Variants in PSPC1 observed in about 807,000 individuals in gnomAD.
PSPC1 encodes the protein paraspeckle component 1, also known as paraspeckle protein 1.
A neutral mutation model predicts 51.6 loss-of-function variants in PSPC1; 14 were observed. The ratio of observed to expected loss-of-function variants is 0.27; its 90% CI spans 0.18 to 0.42. The LOEUF (loss-of-function observed/expected upper bound fraction) is 0.42, where lower values mean the gene tolerates loss of function less well. PSPC1 is among the 10% of genes least tolerant of loss of function. The pLI is 1.00. For missense variants in PSPC1, 406 were observed against 701.1 expected (o/e 0.58, Z 4.75); for synonymous variants, 193 against 231.9 (o/e 0.83, Z 1.53).
At chr13:19,671,396 GAGACAGGCAC>G, downstream of PSPC1, 1 of 933,298 alleles carries the variant, frequency 1.1e-6, no homozygotes, top group South Asian at 1.4e-5. Flanking sequence ...ACCTGTCCTA[GAGACAGGCAC>G]TCCCTGGGGT....
intron 6 of PSPC1, among the ~76,000 whole-genome samples, chr13:19,686,891 A>C (rs1045068728): frequency 6.6e-6 from 1 of 152,150 alleles, no homozygotes; most frequent in Non-Finnish European, 1.5e-5. Flanking sequence ...GCCACTGACC[A>C]AGTATGAATA....
intron 1 of PSPC1, among the ~76,000 whole-genome samples, chr13:19,774,802 G>A (rs1888932076): frequency 7.7e-6 from 1 of 129,618 alleles, no homozygotes; most frequent in South Asian, 2.4e-4. Context: ...CAGACTCTGT[G>A]TCCAAAAAAA....
In PSPC1 at chr13:19,718,374, G is replaced by A. The variant is rs528243838; in HGVS notation, c.1159-8775C>T. ...GATTGTTAAAATGAAACTTTACATC[G>A]TATGCCATTGATAGAATTGCAAATT... On this transcript the variant is annotated intron_variant, in intron 6 of 8. Transcript: ENST00000338910. Among the ~76,000 whole-genome samples, 8 of 152,126 alleles carry A rather than the reference G, an allele frequency of 5.3e-5. 1 individual carries two copies. The South Asian group carries it at 1.7e-3, about 32-fold the overall frequency.
chr13:19,767,966 C>T (rs1203497985), intron 2 of PSPC1, among the ~76,000 whole-genome samples: 1 of 152,074 alleles, frequency 6.6e-6, no homozygotes, highest in Admixed American at 6.5e-5. Flanking sequence ...ACCTGTAATT[C>T]CAGCACTTTG....
chr13:19,769,789 C>A (rs1888447980), intron 2 of PSPC1, among the ~76,000 whole-genome samples: 1 of 151,880 alleles, frequency 6.6e-6, no homozygotes, highest in South Asian at 2.1e-4. Flanking sequence ...AATAAAAACA[C>A]CAAGTGTGGG....
downstream of PSPC1, chr13:19,672,057 A>G (rs1157463689): frequency 6.4e-6 from 4 of 622,894 alleles, no homozygotes; most frequent in African/African-American, 7.3e-5. Context: ...AGTATGCCGG[A>G]ATCTCAGTGC....
At chr13:19,672,091 T>C, downstream of PSPC1, 2 of 560,166 alleles carry the variant, frequency 3.6e-6, no homozygotes. Flanking sequence ...CGTATTTCAG[T>C]TTTTCCACAA....
intron 3 of PSPC1, among the ~76,000 whole-genome samples, chr13:19,751,829 G>A (rs1423647027): frequency 6.6e-6 from 1 of 152,070 alleles, no homozygotes; most frequent in South Asian, 2.1e-4. Flanking sequence ...AGGCCGAGGC[G>A]GGCAGATCAC....
At chr13:19,694,151 CCAT>C (rs1181212622) in intron 6 of PSPC1, among the ~76,000 whole-genome samples, 5 of 13,608 alleles carry the variant, frequency 3.7e-4, no homozygotes, top group East Asian at 5.4e-3. Context: ...AAAAAAAAAA[CCAT>C]ATATATATAT....
At chr13:19,714,557 G>A (rs1441404386) in intron 6 of PSPC1, among the ~76,000 whole-genome samples, 3 of 149,272 alleles carry the variant, frequency 2.0e-5, no homozygotes, top group Admixed American at 6.7e-5. Flanking sequence ...GTGCAATGGC[G>A]TGATCTCAAC....
At chr13:19,780,008 G>A (rs1462999519) in intron 1 of PSPC1, among the ~76,000 whole-genome samples, 244 of 87,952 alleles carry the variant, frequency 2.8e-3, no homozygotes, top group East Asian at 4.0e-3. Flanking sequence ...GGAGGGAGGT[G>A]GGGGGGGTCA....
At chr13:19,763,463 T>C (rs1410719839) in intron 2 of PSPC1, among the ~76,000 whole-genome samples, 1 of 152,192 alleles carries the variant, frequency 6.6e-6, no homozygotes, top group Admixed American at 6.5e-5. Context: ...ACCAAGTCAA[T>C]CATTAGTTTG....
intron 1 of PSPC1, 99 bp from the exon 2 acceptor site, chr13:19,772,642 G>T: frequency 9.3e-7 from 1 of 1,075,428 alleles, no homozygotes. Context: ...TTTAGCAAAT[G>T]GCTGACAGGG....
chr13:19,762,626 G>A (rs761484286), intron 2 of PSPC1, among the ~76,000 whole-genome samples: 2 of 152,132 alleles, frequency 1.3e-5, no homozygotes, highest in Non-Finnish European at 2.9e-5. Context: ...AGGAACATGG[G>A]TACGTATTGT....
chr13:19,701,589 C>T (rs1439011127), downstream of PSPC1, among the ~76,000 whole-genome samples: 1 of 152,114 alleles, frequency 6.6e-6, no homozygotes. Flanking sequence ...AAAAAAATAG[C>T]AGAACATGAA....
intron 8 of PSPC1, among the ~76,000 whole-genome samples, chr13:19,704,681 A>G (rs1210544822): frequency 6.6e-6 from 1 of 152,210 alleles, no homozygotes; most frequent in East Asian, 1.9e-4. Flanking sequence ...ATATAGTGAC[A>G]GACTTTAATA....
intron 1 of PSPC1, among the ~76,000 whole-genome samples, chr13:19,781,021 G>T (rs1889899891): frequency 6.6e-6 from 1 of 151,892 alleles, no homozygotes; most frequent in Non-Finnish European, 1.5e-5. Context: ...GGCAGGCTTG[G>T]GGGTGCGTGA....
At chr13:19,705,214 G>C (rs1234600408) in intron 8 of PSPC1, among the ~76,000 whole-genome samples, 2 of 152,258 alleles carry the variant, frequency 1.3e-5, no homozygotes, top group East Asian at 1.9e-4. Context: ...AACTATCTCA[G>C]CTGGACGCGG....
exon 7 of PSPC1, chr13:19,677,783 C>G (rs1458060816): frequency 2.0e-6 from 1 of 489,648 alleles, no homozygotes; most frequent in East Asian, 5.6e-5. Context: ...ACACTGCAAG[C>G]TGAACTTCGG....
Sources: allele counts gnomAD v4.1 joint callset (sites outside exome capture counted in the v4.1 genomes callset), GRCh38; gene constraint gnomAD v4.1.1; transcripts MANE v1.5; gene names NCBI Gene and HGNC (gene_info 2026-07-23, HGNC 2026-07-21).